The following OPN3 variants were observed in gnomAD, a reference collection of about 807,000 sequenced individuals.
OPN3 encodes the protein opsin 3.
In OPN3, 29 loss-of-function variants were observed where a neutral mutation model predicts 33.8. The ratio of observed to expected loss-of-function variants is 0.86; its 90% CI spans 0.64 to 1.17. The LOEUF (loss-of-function observed/expected upper bound fraction) is 1.17. Among genes scored for constraint, OPN3 ranks in the 50% most tolerant of loss-of-function variants. The probability of loss-of-function intolerance (pLI) is 0.00; values close to 1 mark genes in which losing one functional copy is unlikely to be tolerated. For missense variants in OPN3, 437 were observed against 514.1 expected (o/e 0.85, Z 1.45); for synonymous variants, 216 against 216.1 (o/e 1.00, Z 0.00).
At chr1:241,599,711 G>A (rs1288181281) in intron 2 of OPN3, among the ~76,000 whole-genome samples, 1 of 152,112 alleles carries the variant, frequency 6.6e-6, no homozygotes, top group Non-Finnish European at 1.5e-5. Flanking sequence ...GAAGATCTAA[G>A]TTTATATCCC....
intron 1 of OPN3, among the ~76,000 whole-genome samples, chr1:241,638,999 AAAT>A (rs1295010757): frequency 6.6e-6 from 1 of 152,244 alleles, no homozygotes; most frequent in Non-Finnish European, 1.5e-5. Context: ...GCACACAAAA[AAAT>A]AATTTCCTTT....
At chr1:241,596,591 G>A (rs760314927) in intron 3 of OPN3, among the ~76,000 whole-genome samples, 1 of 152,202 alleles carries the variant, frequency 6.6e-6, no homozygotes, top group African/African-American at 2.4e-5. Flanking sequence ...TATTACAAAA[G>A]TGCCCTCTTC....
At chr1:241,630,514 TTATAC>T (rs1280512633) in intron 1 of OPN3, 2 of 152,086 alleles carry the variant, frequency 1.3e-5, no homozygotes, top group Admixed American at 6.6e-5. Flanking sequence ...TAGTACATTT[TTATAC>T]TATAAGTTTT....
At position 241,594,447 on chromosome 1, in the gene OPN3, A is replaced by T; in HGVS notation, c.1190T>A (p.Ile397Asn). 1 of 1,613,318 alleles carries T rather than the reference A, an allele frequency of 6.2e-7. No individual in the cohort carries two copies. Among genetic ancestry groups the T allele is most frequent in the Non-Finnish European group, 8.5e-7 (1 of 1,179,308 alleles). Reference sequence around the variant, plus strand: ...TCATTCCTACAAAGGACGAACTTGGATTACATCAACTTTGGACCCATTGGT... The same window carrying T: ...TCATTCCTACAAAGGACGAACTTGGTTTACATCAACTTTGGACCCATTGGT... ...DKTNGSKVDV[I>N]QVRPL is the part of the protein sequence containing the mutation. Residue 397 changes from isoleucine to asparagine, a missense_variant, in exon 4 of 4, where the codon ATC (isoleucine) becomes AAC (asparagine). By Grantham distance (149) the Ile-to-Asn change is moderately radical (BLOSUM62 -3). Transcript: ENST00000366554.
chr1:241,618,599 G>A (rs1664196252), intron 1 of OPN3, among the ~76,000 whole-genome samples: 1 of 152,184 alleles, frequency 6.6e-6, no homozygotes, highest in South Asian at 2.1e-4. Context: ...CAGCGCAGAG[G>A]GGTGGCCCTC....
At chr1:241,633,707 TA>T in intron 1 of OPN3, 1 of 1,373,548 alleles carries the variant, frequency 7.3e-7, no homozygotes, top group South Asian at 1.3e-5. Flanking sequence ...TAACCACTTC[TA>T]ATTACTCATA....
rs11448132 is a variant in OPN3 at position 241,623,099 on chromosome 1, C to CAAA, written c.373+16780_373+16782dup. ...TCTTAAAAAAACAAAAAACAAAAAACAAAAAAAACAAACAAAAAAAACTCT... is the reference window on the plus strand; with the variant it reads ...TCTTAAAAAAACAAAAAACAAAAAACAAAAAAAAAAACAAACAAAAAAAACTCT... On this transcript the variant is annotated intron_variant, in intron 1 of 3. Coordinates refer to ENST00000366554, the MANE Select transcript of OPN3 (RefSeq NM_014322.3). Among the ~76,000 whole-genome samples, 5 of 151,296 alleles carry CAAA rather than the reference C, an allele frequency of 3.3e-5. No homozygotes were observed. The East Asian group carries it at 9.7e-4, about 29-fold the overall frequency.
chr1:241,598,766 ACAGG>A (rs1663604393), intron 2 of OPN3, among the ~76,000 whole-genome samples: 1 of 152,226 alleles, frequency 6.6e-6, no homozygotes, highest in Non-Finnish European at 1.5e-5. Context: ...ATAATAATAC[ACAGG>A]CAAAGAATAT....
At chr1:241,627,223 A>G (rs1664445004) in intron 1 of OPN3, among the ~76,000 whole-genome samples, 1 of 152,300 alleles carries the variant, frequency 6.6e-6, no homozygotes, top group African/African-American at 2.4e-5. Context: ...GAGTTGGCCC[A>G]TTTTATTATA....
At chr1:241,627,532 A>C (rs1329986198) in intron 1 of OPN3, among the ~76,000 whole-genome samples, 6 of 152,204 alleles carry the variant, frequency 3.9e-5, no homozygotes, top group Non-Finnish European at 5.9e-5. Context: ...GGATCACATA[A>C]GAAAATGTAG....
At chr1:241,616,744 C>T (rs955130995) in intron 1 of OPN3, among the ~76,000 whole-genome samples, 3 of 152,120 alleles carry the variant, frequency 2.0e-5, no homozygotes, top group African/African-American at 7.2e-5. Flanking sequence ...TGAAATGTTG[C>T]TTAGAAATAG....
rs970802900 is a variant in OPN3, at chr1:241,604,124, C to G, written c.693+136G>C. The G allele has an allele frequency of 9.8e-6, 7 of 712,234 alleles. No homozygotes were observed. In the African/African-American group the frequency reaches 1.2e-4, roughly 13 times the overall value. The allele number at this position is 712,234 out of a possible 1,614,324, so 44.1% of individuals were successfully genotyped here. On this transcript the variant is annotated intron_variant, in intron 2 of 3. Coordinates refer to ENST00000366554, the MANE Select transcript of OPN3 (RefSeq NM_014322.3). Reference sequence around the variant, plus strand: ...AGTGACTCATAGCATAAAATTCAACCAGATGGGAAGTCCCCTAGAACTGCT... The same window carrying G: ...AGTGACTCATAGCATAAAATTCAACGAGATGGGAAGTCCCCTAGAACTGCT...
intron 1 of OPN3, among the ~76,000 whole-genome samples, chr1:241,606,477 G>A (rs1017396838): frequency 6.6e-6 from 1 of 151,800 alleles, no homozygotes; most frequent in African/African-American, 2.4e-5. Flanking sequence ...CCAGGGAGGT[G>A]GAGGTTGCAG....
rs1164964502 is a variant in OPN3, at chr1:241,593,656, T to C, written c.*772A>G. On this transcript the variant is annotated 3_prime_UTR_variant, in exon 4 of 4. Transcript: ENST00000366554. ...TTAGCGGGTATATGTAATATATATGTGGGAAATACAGGGGAATGAGCAAAT... is the reference window on the plus strand; with the variant it reads ...TTAGCGGGTATATGTAATATATATGCGGGAAATACAGGGGAATGAGCAAAT... 4 of 182,766 alleles carry C rather than the reference T, an allele frequency of 2.2e-5. No individual in the cohort carries two copies. The allele number at this position is 182,766 out of a possible 1,614,324, so 11.3% of individuals were successfully genotyped here.
chr1:241,639,800 G>A, intron 1 of OPN3, 82 bp downstream of exon 1: 2 of 1,305,848 alleles, frequency 1.5e-6, no homozygotes, highest in Non-Finnish European at 2.0e-6. Flanking sequence ...GGGCGGGCTG[G>A]GGGGCGGACG....
At chr1:241,621,216 T>C (rs1664263128) in intron 1 of OPN3, among the ~76,000 whole-genome samples, 1 of 152,198 alleles carries the variant, frequency 6.6e-6, no homozygotes, top group Non-Finnish European at 1.5e-5. Flanking sequence ...TTTTTCTGTA[T>C]TTAAAAGCTT....
rs755216211 is a variant in OPN3, at chr1:241,639,865, C to T, written c.373+17G>A. 1.3e-6 allele frequency: 2 copies of T among 1,526,942 alleles called. No homozygotes were observed. Among genetic ancestry groups the T allele is most frequent in the Admixed American group, 2.0e-5 (1 of 50,886 alleles). 94.6% of individuals were successfully genotyped at this position (1,526,942 alleles called of 1,614,324 possible). Reference sequence around the variant, plus strand: ...AAGTTTGCAGAGGGGAGGCTGCCTTCTCCCAGTCCAACTCACCGAAGAGGC... The same window carrying T: ...AAGTTTGCAGAGGGGAGGCTGCCTTTTCCCAGTCCAACTCACCGAAGAGGC... On this transcript the variant is annotated intron_variant, in intron 1 of 3. Coordinates refer to ENST00000366554, the MANE Select transcript of OPN3 (RefSeq NM_014322.3).
At position 241,640,304 on chromosome 1, in the gene OPN3, G is replaced by A. The variant is rs1198762841; in HGVS notation, c.-50C>T. 1.6e-5 allele frequency: 18 copies of A among 1,110,132 alleles called. No individual in the cohort carries two copies. In the African/African-American group the frequency reaches 1.8e-4, roughly 11 times the overall value. The allele number at this position is 1,110,132 out of a possible 1,614,324, so 68.8% of individuals were successfully genotyped here. ...GGCGGAGGCGCTCAGCTTGCGGCGG[G>A]GCTCGCGGCGCGCTCCGCACTGGGT... On this transcript the variant is annotated 5_prime_UTR_variant, in exon 1 of 4. Coordinates refer to ENST00000366554, the MANE Select transcript of OPN3 (RefSeq NM_014322.3).
At chr1:241,636,674 C>A (rs1215191346) in intron 1 of OPN3, among the ~76,000 whole-genome samples, 1 of 151,794 alleles carries the variant, frequency 6.6e-6, no homozygotes, top group African/African-American at 2.4e-5. Flanking sequence ...TCATAATAGC[C>A]CTGAGGAGGA....
Sources: allele counts gnomAD v4.1 joint callset (sites outside exome capture counted in the v4.1 genomes callset), GRCh38; gene constraint gnomAD v4.1.1; transcripts MANE v1.5; gene names NCBI Gene and HGNC (gene_info 2026-07-23, HGNC 2026-07-21).